The following PARM1 variants were observed in gnomAD, a reference collection of about 807,000 sequenced individuals.
PARM1 encodes prostate androgen-regulated mucin-like protein 1, also known as WSC4, cell wall integrity and stress response component 4 homolog.
Under a neutral mutation model 24.6 loss-of-function variants are expected in PARM1, and 14 were observed. That is an observed-to-expected ratio of 0.57 (90% CI 0.38 to 0.89). The LOEUF is 0.89. Among genes scored for constraint, PARM1 ranks in the 40% least tolerant of loss-of-function variants. The pLI, the probability that PARM1 is intolerant of heterozygous loss-of-function variation, is 0.00. For synonymous variants in PARM1, 179 were observed against 156.6 expected, an observed-to-expected ratio of 1.14 and a Z score of -1.07; for missense variants, 362 against 380.4, an observed-to-expected ratio of 0.95 and a Z score of 0.40.
intron 3 of PARM1, among the ~76,000 whole-genome samples, chr4:75,035,945 C>G (rs1219791891): frequency 6.6e-6 from 1 of 152,118 alleles, no homozygotes; most frequent in Non-Finnish European, 1.5e-5. Context: ...CTTTTTCCAT[C>G]TGGTTTAATT....
intron 1 of PARM1, among the ~76,000 whole-genome samples, chr4:74,968,530 G>C (rs1353623073): frequency 6.6e-6 from 1 of 152,154 alleles, no homozygotes; most frequent in African/African-American, 2.4e-5. Flanking sequence ...TTGTCAGTGT[G>C]CATGGAAGAA....
chr4:74,987,236 G>C (rs1219150916), intron 1 of PARM1, among the ~76,000 whole-genome samples: 1 of 152,024 alleles, frequency 6.6e-6, no homozygotes. Flanking sequence ...AAAGAATCTG[G>C]TCCGGCACTG....
At chr4:75,034,213 G>A (rs983628584) in intron 3 of PARM1, among the ~76,000 whole-genome samples, 3 of 152,128 alleles carry the variant, frequency 2.0e-5, no homozygotes, top group African/African-American at 7.2e-5. Context: ...AAGAATTAAC[G>A]TGGAGTCGGG....
intron 1 of PARM1, among the ~76,000 whole-genome samples, chr4:74,941,760 A>G (rs1721314177): frequency 6.6e-6 from 1 of 152,198 alleles, no homozygotes; most frequent in African/African-American, 2.4e-5. Context: ...TGATGTAAAG[A>G]TGAAAGCAGC....
intron 1 of PARM1, among the ~76,000 whole-genome samples, chr4:74,972,253 T>C (rs1000126788): frequency 6.6e-6 from 1 of 152,252 alleles, no homozygotes; most frequent in Admixed American, 6.5e-5. Flanking sequence ...TGTGGTCTAC[T>C]GTTGGGGAGC....
chr4:75,019,550 A>T (rs1723049792), intron 2 of PARM1, among the ~76,000 whole-genome samples: 1 of 152,172 alleles, frequency 6.6e-6, no homozygotes, highest in African/African-American at 2.4e-5. Flanking sequence ...GATGCCAATA[A>T]ATACATTTAA....
intron 1 of PARM1, among the ~76,000 whole-genome samples, chr4:74,952,179 T>G (rs1455405119): frequency 2.0e-5 from 3 of 152,250 alleles, no homozygotes; most frequent in Non-Finnish European, 4.4e-5. Flanking sequence ...TGCATTTCTC[T>G]AATGACCAGT....
intron 2 of PARM1, among the ~76,000 whole-genome samples, chr4:75,032,611 T>C (rs138470355): frequency 1.4e-3 from 219 of 152,342 alleles, no homozygotes; most frequent in African/African-American, 4.7e-3. Flanking sequence ...TTTAGATTGG[T>C]ACACCTGGCA....
At chr4:74,942,436 A>C (rs180917492) in intron 1 of PARM1, among the ~76,000 whole-genome samples, 100 of 152,372 alleles carry the variant, frequency 6.6e-4, no homozygotes, top group Middle Eastern at 3.4e-3. Flanking sequence ...TCAGTAGTTG[A>C]ATATCTAATA....
rs1158866905 is a variant in PARM1 at position 74,933,226 on chromosome 4, A to T, written c.-102A>T. 5.9e-6 allele frequency: 6 copies of T among 1,009,142 alleles called. No homozygotes were observed. In the African/African-American group the frequency reaches 9.7e-5, roughly 16 times the overall value. 62.5% of individuals were successfully genotyped at this position (1,009,142 alleles called of 1,614,324 possible). ...GTTCGCGCCTCCCGGCTCCCACCGCAGCCCACCCGGCAGAGGAGTCGCTAC... is the reference window on the plus strand; with the variant it reads ...GTTCGCGCCTCCCGGCTCCCACCGCTGCCCACCCGGCAGAGGAGTCGCTAC... On this transcript the variant is annotated 5_prime_UTR_variant, in exon 1 of 4. Transcript: ENST00000307428.
intron 3 of PARM1, among the ~76,000 whole-genome samples, chr4:75,041,199 A>G (rs1723476267): frequency 6.6e-6 from 1 of 152,250 alleles, no homozygotes; most frequent in African/African-American, 2.4e-5. Context: ...ATGAATACTT[A>G]AAGAAGCCAG....
At chr4:74,978,883 C>T (rs1439278868) in intron 1 of PARM1, among the ~76,000 whole-genome samples, 2 of 152,050 alleles carry the variant, frequency 1.3e-5, no homozygotes, top group Non-Finnish European at 1.5e-5. Flanking sequence ...AAAATTAAGG[C>T]AGAAATCAAG....
At chr4:75,018,690 A>G (rs1380267190) in intron 2 of PARM1, among the ~76,000 whole-genome samples, 1 of 152,226 alleles carries the variant, frequency 6.6e-6, no homozygotes, top group African/African-American at 2.4e-5. Context: ...GTATGTTCCA[A>G]GAATTGGGCT....
In PARM1 at chr4:75,047,714, A is replaced by G. The variant is rs1383881757; in HGVS notation, c.*1467A>G. The G allele has an allele frequency of 1.3e-5, 2 of 152,248 alleles. No homozygotes were observed. The highest frequency in any genetic ancestry group is 4.8e-5 in the African/African-American group (2 of 41,460). 9.4% of individuals were successfully genotyped at this position (152,248 alleles called of 1,614,324 possible). ...AGATTGAGAAACCCTGATTTATCAC[A>G]ATGCCCACTGTGACAGAACAAGACA... On this transcript the variant is annotated 3_prime_UTR_variant, in exon 4 of 4. Coordinates refer to ENST00000307428, the MANE Select transcript of PARM1 (RefSeq NM_015393.4).
chr4:74,961,506 C>T (rs993695902), intron 1 of PARM1, among the ~76,000 whole-genome samples: 1 of 152,130 alleles, frequency 6.6e-6, no homozygotes, highest in Non-Finnish European at 1.5e-5. Context: ...CACCAAAGCA[C>T]ATTATAATCA....
chr4:74,955,996 T>G (rs1003887905), intron 1 of PARM1: 1 of 152,262 alleles, frequency 6.6e-6, no homozygotes, highest in Non-Finnish European at 1.5e-5. Context: ...CAAGTATGAA[T>G]TTTAATTTAA....
intron 2 of PARM1, among the ~76,000 whole-genome samples, chr4:75,029,168 C>T (rs1723233886): frequency 6.6e-6 from 1 of 152,066 alleles, no homozygotes; most frequent in African/African-American, 2.4e-5. Flanking sequence ...TCCTGGACTG[C>T]CTCAGGGTAT....
intron 1 of PARM1, among the ~76,000 whole-genome samples, chr4:74,938,418 G>C (rs1176495719): frequency 6.6e-6 from 1 of 152,176 alleles, no homozygotes; most frequent in Non-Finnish European, 1.5e-5. Flanking sequence ...GGGCACATTA[G>C]TTTATAAATC....
chr4:74,940,617 A>T (rs1479367423), intron 1 of PARM1, among the ~76,000 whole-genome samples: 1 of 152,136 alleles, frequency 6.6e-6, no homozygotes, highest in African/African-American at 2.4e-5. Context: ...CAACATATGA[A>T]TTTTTTTCAG....
Sources: gnomAD v4.1 joint callset for allele counts (sites outside exome capture counted in the v4.1 genomes callset) on GRCh38, gnomAD v4.1.1 for gene constraint, MANE v1.5 for transcripts, NCBI Gene and HGNC (gene_info 2026-07-23, HGNC 2026-07-21) for gene names.